GALNT16: variants seen among roughly 807,000 people sequenced by gnomAD.
GALNT16 encodes the protein polypeptide N-acetylgalactosaminyltransferase 16.
Under a neutral mutation model 76.1 loss-of-function variants are expected in GALNT16, and 40 were observed. The observed-to-expected ratio is 0.53, with a 90% CI of 0.41 to 0.68. The LOEUF is 0.68. Ranked by LOEUF, GALNT16 falls within the 30% of genes least tolerant of loss-of-function variation. The pLI, the probability that GALNT16 is intolerant of heterozygous loss-of-function variation, is 0.00. For missense variants in GALNT16, 621 were observed against 731.9 expected (o/e 0.85, Z 1.75); for synonymous variants, 276 against 285.2 (o/e 0.97, Z 0.32).
rs574932806 is a variant in GALNT16, at chr14:69,289,428, G to T, written c.177+28961G>T. The stretch of plus-strand genomic sequence containing the variant: ...GTCTCTGTGGTCAAAACTTTTGAAG[G>T]CTTCAGCTCGCTGGAAGGTTCAGAC... On this transcript the variant is annotated intron_variant, in intron 1 of 14. Coordinates refer to ENST00000448469, the MANE Select transcript of GALNT16 (RefSeq NM_001168368.2). Among the ~76,000 whole-genome samples the T allele has an allele frequency of 2.0e-5, 3 of 152,264 alleles. No individual in the cohort carries two copies. In the South Asian group the frequency reaches 6.2e-4, roughly 32 times the overall value.
downstream of GALNT16, chr14:69,356,454 T>G (rs117130822): frequency 6.6e-6 from 1 of 151,692 alleles, no homozygotes; most frequent in Non-Finnish European, 1.5e-5. Context: ...CTGGGCAACA[T>G]AGCGAGACCC....
At chr14:69,377,728 G>A in the GALNT16 span, among the ~76,000 whole-genome samples, 2 of 138,352 alleles carry the variant, frequency 1.4e-5, no homozygotes, top group African/African-American at 5.3e-5. Flanking sequence ...GATCACCTGA[G>A]CCTGGGAGAT....
chr14:69,279,638 G>A (rs564257605), intron 1 of GALNT16, among the ~76,000 whole-genome samples: 1 of 152,266 alleles, frequency 6.6e-6, no homozygotes, highest in African/African-American at 2.4e-5. Flanking sequence ...AGGCTGTGGG[G>A]GCCGTGTCAG....
chr14:69,349,363 C>A (rs1207848359), intron 14 of GALNT16: 4 of 152,224 alleles, frequency 2.6e-5, no homozygotes, highest in African/African-American at 4.8e-5. Flanking sequence ...CACATTTCCC[C>A]CTTTGTGCTG....
the GALNT16 span, among the ~76,000 whole-genome samples, chr14:69,384,023 G>C: frequency 6.6e-6 from 1 of 151,996 alleles, no homozygotes; most frequent in Non-Finnish European, 1.5e-5. Flanking sequence ...AGTTAGAAAA[G>C]TTATGTTATG....
At chr14:69,375,251 G>A in the GALNT16 span, among the ~76,000 whole-genome samples, 1 of 151,980 alleles carries the variant, frequency 6.6e-6, no homozygotes, top group Non-Finnish European at 1.5e-5. Flanking sequence ...CATACTTTCC[G>A]CATCCTTTTC....
At chr14:69,339,435 G>C (rs375949236) in intron 10 of GALNT16, 92 bp from the exon 11 acceptor site, 1 of 809,878 alleles carries the variant, frequency 1.2e-6, no homozygotes, top group Admixed American at 1.8e-5. Flanking sequence ...GATTCTCATC[G>C]TCCTGTATTC....
rs754660417 is a variant in GALNT16, at chr14:69,347,194, G to T, written c.1413+13G>T. The T allele has an allele frequency of 4.1e-5, 65 of 1,594,244 alleles. No homozygotes were observed. The South Asian group carries it at 6.0e-4, about 15-fold the overall frequency. On this transcript the variant is annotated intron_variant, in intron 13 of 14. Coordinates refer to ENST00000448469, the MANE Select transcript of GALNT16 (RefSeq NM_001168368.2). ...GCAGCCCGCCCAGGTAAGGACCTCGGGTAGGAATGGGAGTGGGAGAGAGCT... is the reference window on the plus strand; with the variant it reads ...GCAGCCCGCCCAGGTAAGGACCTCGTGTAGGAATGGGAGTGGGAGAGAGCT...
chr14:69,379,101 G>A, the GALNT16 span, among the ~76,000 whole-genome samples: 10 of 151,984 alleles, frequency 6.6e-5, no homozygotes, highest in East Asian at 1.9e-4. Flanking sequence ...CACCATGCCC[G>A]GCTACTTTTT....
At chr14:69,307,915 A>C (rs1206190751) in intron 1 of GALNT16, among the ~76,000 whole-genome samples, 2 of 152,036 alleles carry the variant, frequency 1.3e-5, no homozygotes, top group African/African-American at 4.8e-5. Flanking sequence ...CCTGTTTTCA[A>C]CTGTTAGGCT....
chr14:69,374,256 GTTAC>G, the GALNT16 span, among the ~76,000 whole-genome samples: 26 of 152,124 alleles, frequency 1.7e-4, no homozygotes, highest in African/African-American at 4.1e-4. Context: ...TGTTATGCTT[GTTAC>G]TTACTTATGA....
At chr14:69,285,932 C>A (rs149478890) in intron 1 of GALNT16, among the ~76,000 whole-genome samples, 1 of 152,332 alleles carries the variant, frequency 6.6e-6, no homozygotes, top group Non-Finnish European at 1.5e-5. Flanking sequence ...CTCAGCTCAG[C>A]ATCCTGGTCT....
intron 1 of GALNT16, among the ~76,000 whole-genome samples, chr14:69,282,429 C>T (rs1324336396): frequency 1.3e-5 from 2 of 152,206 alleles, no homozygotes; most frequent in Non-Finnish European, 2.9e-5. Flanking sequence ...CCCCTAGCTC[C>T]TCAGATCTGA....
At chr14:69,377,019 A>G in the GALNT16 span, among the ~76,000 whole-genome samples, 1 of 152,178 alleles carries the variant, frequency 6.6e-6, no homozygotes. Flanking sequence ...TGTTCGGAGG[A>G]TAATTCTTGG....
At chr14:69,284,329 C>T (rs1464742120) in intron 1 of GALNT16, among the ~76,000 whole-genome samples, 1 of 152,172 alleles carries the variant, frequency 6.6e-6, no homozygotes, top group Non-Finnish European at 1.5e-5. Context: ...GCACCTGTCT[C>T]AGGAGCTGCA....
intron 1 of GALNT16, among the ~76,000 whole-genome samples, chr14:69,287,128 C>G (rs1191898939): frequency 6.6e-6 from 1 of 152,220 alleles, no homozygotes; most frequent in East Asian, 1.9e-4. Flanking sequence ...GTTTGTGACT[C>G]TGCCCACTGT....
chr14:69,383,780 T>C, the GALNT16 span, among the ~76,000 whole-genome samples: 19 of 152,342 alleles, frequency 1.2e-4, no homozygotes, highest in Middle Eastern at 3.4e-3. Flanking sequence ...TTTCCCCCTA[T>C]GTTGCTTTAA....
chr14:69,363,174 G>C, the GALNT16 span, among the ~76,000 whole-genome samples: 2 of 152,202 alleles, frequency 1.3e-5, no homozygotes, highest in South Asian at 4.1e-4. Context: ...GAAGATGCAG[G>C]CTGCGGAGAC....
intron 5 of GALNT16, 58 bp downstream of exon 5, chr14:69,326,085 T>G: frequency 4.8e-6 from 6 of 1,243,100 alleles, no homozygotes; most frequent in Non-Finnish European, 5.9e-6. Context: ...TCCTGTGCAC[T>G]TCCCCACTCT....
Sources: allele counts gnomAD v4.1 joint callset (sites outside exome capture counted in the v4.1 genomes callset), GRCh38; gene constraint gnomAD v4.1.1; transcripts MANE v1.5; gene names NCBI Gene and HGNC (gene_info 2026-07-23, HGNC 2026-07-21).